The following FAM163B variants were observed in gnomAD, a reference collection of about 807,000 sequenced individuals.
The protein encoded by FAM163B is family with sequence similarity 163 member B, also known as protein FAM163B.
Under a neutral mutation model 7.6 loss-of-function variants are expected in FAM163B, and 4 were observed. That is an observed-to-expected ratio of 0.52 (90% CI 0.26 to 1.20). The LOEUF is 1.20. Ranked by LOEUF, FAM163B falls within the 50% of genes most tolerant of loss-of-function variation. The pLI is 0.14. For synonymous variants in FAM163B, 120 were observed against 111.6 expected (o/e 1.07, Z -0.47); for missense variants, 250 against 243.0 (o/e 1.03, Z -0.19).
intron 1 of FAM163B, among the ~76,000 whole-genome samples, chr9:133,599,971 GTGTGTC>G (rs1340571058): frequency 8.0e-4 from 86 of 107,852 alleles, no homozygotes; most frequent in African/African-American, 2.3e-3. Flanking sequence ...GTGCATGTGT[GTGTGTC>G]TGTGTGCATA....
chr9:133,584,619 GCTGAGTGC>G (rs1253080496), intron 1 of FAM163B, among the ~76,000 whole-genome samples: 1 of 152,264 alleles, frequency 6.6e-6, no homozygotes, highest in Non-Finnish European at 1.5e-5. Flanking sequence ...CTCTGAGAAA[GCTGAGTGC>G]CTGAGAGAAC....
chr9:133,581,391 G>C (rs2131215526), intron 1 of FAM163B, among the ~76,000 whole-genome samples: 1 of 152,054 alleles, frequency 6.6e-6, no homozygotes, highest in South Asian at 2.1e-4. Context: ...TTTCTTGCTG[G>C]GGTATGGGGT....
intron 1 of FAM163B, among the ~76,000 whole-genome samples, chr9:133,593,425 G>A (rs933697615): frequency 1.3e-5 from 2 of 151,674 alleles, no homozygotes; most frequent in Non-Finnish European, 2.9e-5. Context: ...ACCTCCACTG[G>A]CCCCTCTGCC....
At chr9:133,590,047 CTTCCCTTCCCTTCCCT>C in intron 1 of FAM163B, among the ~76,000 whole-genome samples, 1 of 40,900 alleles carries the variant, frequency 2.4e-5, no homozygotes, top group Admixed American at 1.9e-4. Flanking sequence ...GTTCCCTTCC[CTTCCCTTCCCTTCCCT>C]TCCCCTTCCC....
chr9:133,592,102 G>C (rs1271515970), intron 1 of FAM163B, among the ~76,000 whole-genome samples: 1 of 152,152 alleles, frequency 6.6e-6, no homozygotes, highest in Non-Finnish European at 1.5e-5. Context: ...CCAGGACACT[G>C]TGACCTCGTG....
chr9:133,605,995 G>A (rs908112112), intron 1 of FAM163B, among the ~76,000 whole-genome samples: 1 of 152,128 alleles, frequency 6.6e-6, no homozygotes, highest in Non-Finnish European at 1.5e-5. Flanking sequence ...ATGTCCCTCC[G>A]GGCTCCCAGA....
At chr9:133,590,433 C>A (rs1352107660) in intron 1 of FAM163B, among the ~76,000 whole-genome samples, 5 of 152,054 alleles carry the variant, frequency 3.3e-5, no homozygotes, top group Admixed American at 3.3e-4. Flanking sequence ...GCTGGGGGCT[C>A]CCCGGTGCTT....
intron 1 of FAM163B, among the ~76,000 whole-genome samples, chr9:133,581,600 G>A (rs1446247363): frequency 6.6e-6 from 1 of 152,088 alleles, no homozygotes; most frequent in Non-Finnish European, 1.5e-5. Context: ...GGCTCCTTTT[G>A]CTCTAGAACA....
intron 1 of FAM163B, among the ~76,000 whole-genome samples, chr9:133,592,995 T>C (rs966043466): frequency 2.0e-5 from 3 of 152,134 alleles, no homozygotes; most frequent in Admixed American, 6.5e-5. Context: ...GTGGTGCCAA[T>C]GTGCAGCCCA....
chr9:133,603,997 G>A (rs1465515143), intron 1 of FAM163B, among the ~76,000 whole-genome samples: 5 of 152,048 alleles, frequency 3.3e-5, no homozygotes, highest in Non-Finnish European at 5.9e-5. Context: ...ATGCCACCAC[G>A]CCCGGCTCTC....
chr9:133,587,975 C>G (rs541374587), intron 1 of FAM163B, among the ~76,000 whole-genome samples: 1 of 102,984 alleles, frequency 9.7e-6, no homozygotes, highest in Admixed American at 1.2e-4. Context: ...GAACGGGGGG[C>G]GAGCCTGGGA....
At chr9:133,591,584 G>A (rs191307218) in intron 1 of FAM163B, among the ~76,000 whole-genome samples, 42 of 152,290 alleles carry the variant, frequency 2.8e-4, no homozygotes, top group African/African-American at 9.1e-4. Flanking sequence ...AGCATCCCCC[G>A]AATGCACTGA....
At chr9:133,609,019 T>C (rs1831821802) in intron 1 of FAM163B, among the ~76,000 whole-genome samples, 58 bp downstream of exon 1, 1 of 152,196 alleles carries the variant, frequency 6.6e-6, no homozygotes, top group South Asian at 2.1e-4. Context: ...TAGCTGGAGC[T>C]TTCCAGCCTG....
rs3025325 is a variant in FAM163B at position 133,601,710 on chromosome 9, C to T, written c.-24+7367G>A. Among the ~76,000 whole-genome samples, 38,631 of 152,146 alleles carry T rather than the reference C, an allele frequency of 0.25. 8,132 individuals carry two copies. Among genetic ancestry groups the T allele is most frequent in the African/African-American group, 0.58 (24,139 of 41,486 alleles). ...GTGAAGACCCTGATGGGAAACCAGA[C>T]GCCATCTCTGTCCCTAATCATGGGG... On this transcript the variant is annotated intron_variant, in intron 1 of 2. Transcript: ENST00000673969. The surrounding 1 kb of genome is among the most constrained non-coding windows in gnomAD (Gnocchi z 4.1).
chr9:133,588,606 A>G (rs1588325872), intron 1 of FAM163B, among the ~76,000 whole-genome samples: 1 of 152,258 alleles, frequency 6.6e-6, no homozygotes, highest in Non-Finnish European at 1.5e-5. Flanking sequence ...TGAGGGATCT[A>G]GGATGCTGAA....
At position 133,577,087 on chromosome 9, in the gene FAM163B, A is replaced by G. The variant is rs1478487569; in HGVS notation, c.*1935T>C. 3.3e-5 allele frequency among the ~76,000 whole-genome samples: 5 copies of G among 152,134 alleles called. No homozygotes were observed. Among genetic ancestry groups the G allele is most frequent in the African/African-American group, 1.2e-4 (5 of 41,438 alleles). ...GGAAGACGCTGCACGAGAGTGTGGG[A>G]GATGTTTTATTGGCTTTCACTTTCC... On this transcript the variant is annotated 3_prime_UTR_variant, in exon 3 of 3. Transcript: ENST00000673969.
chr9:133,598,780 T>A (rs1272612427), intron 1 of FAM163B, among the ~76,000 whole-genome samples: 1 of 152,166 alleles, frequency 6.6e-6, no homozygotes, highest in Non-Finnish European at 1.5e-5. Flanking sequence ...TCATCTTATT[T>A]CACAGGTGGA....
At position 133,578,171 on chromosome 9, in the gene FAM163B, G is replaced by A. The variant is rs926704042; in HGVS notation, c.*851C>T. 1.0e-4 allele frequency among the ~76,000 whole-genome samples: 7 copies of A among 67,892 alleles called. No homozygotes were observed. In the East Asian group the frequency reaches 1.8e-3, roughly 18 times the overall value. The allele number at this position is 67,892 out of a possible 152,430, so 44.5% of individuals were successfully genotyped here. On this transcript the variant is annotated 3_prime_UTR_variant, in exon 3 of 3. Coordinates refer to ENST00000673969, the MANE Select transcript of FAM163B (RefSeq NM_001080515.3). ...CGGGGGTTTTCAACCCCTGGGCCAT[G>A]GCTCTGCCCCTGACGAGCCCCGGGC...
chr9:133,584,144 A>C (rs1831397868), intron 1 of FAM163B, among the ~76,000 whole-genome samples: 1 of 151,990 alleles, frequency 6.6e-6, no homozygotes, highest in Non-Finnish European at 1.5e-5. Flanking sequence ...AGAACTTCAA[A>C]ACTTCAAACG....
Sources: gnomAD v4.1 joint callset for allele counts (sites outside exome capture counted in the v4.1 genomes callset) on GRCh38, gnomAD v4.1.1 for gene constraint, Gnocchi (gnomAD v3.1) non-coding constraint, MANE v1.5 for transcripts, NCBI Gene and HGNC (gene_info 2026-07-23, HGNC 2026-07-21) for gene names.